Variants in RANBP6 observed in about 807,000 individuals in gnomAD.
The protein encoded by RANBP6 is RAN binding protein 6, also known as ran-binding protein 6.
RANBP6 carries 10 observed loss-of-function variants against 35.3 expected under a neutral mutation model. The observed-to-expected ratio is 0.28, with a 90% CI of 0.17 to 0.48. RANBP6 has a LOEUF of 0.48. Among genes scored for constraint, RANBP6 ranks in the 20% least tolerant of loss-of-function variants. The pLI, the probability that RANBP6 is intolerant of heterozygous loss-of-function variation, is 0.99. For missense variants in RANBP6, 1,392 were observed against 1,307.7 expected, an observed-to-expected ratio of 1.06 and a Z score of -0.99; for synonymous variants, 514 against 464.2, an observed-to-expected ratio of 1.11 and a Z score of -1.38.
chr9:6,012,882 T>G lies in RANBP6; in HGVS notation c.2726A>C (p.Lys909Thr), dbSNP rs1463032938. The G allele has an allele frequency of 6.2e-7, 1 of 1,614,102 alleles. No homozygotes were observed. The highest frequency in any genetic ancestry group is 8.5e-7 in the Non-Finnish European group (1 of 1,180,014). Residue 909 changes from lysine to threonine, a missense_variant, in exon 1 of 1, where the codon AAA becomes ACA. Coordinates refer to ENST00000259569, the MANE Select transcript of RANBP6 (RefSeq NM_012416.4). ...IIEHCSPTSF[K>T]YVEYFRWPML... The stretch of plus-strand genomic sequence containing the variant: ...TGGCCACCGAAAATATTCTACATAT[T>G]TAAATGAAGTTGGACTGCAGTGCTC...
At position 6,013,712 on chromosome 9, in the gene RANBP6, T is replaced by C; in HGVS notation, c.1896A>G (p.Pro632=). 6.2e-7 allele frequency: 1 copy of C among 1,613,284 alleles called. No homozygotes were observed. The highest frequency in any genetic ancestry group is 2.2e-5 in the East Asian group (1 of 44,884). ...TCTTAATAAGAGGCTCGATAACCAGTGGAAGGTACTGTTGAAAATCTTTTC... is the reference window on the plus strand; with the variant it reads ...TCTTAATAAGAGGCTCGATAACCAGCGGAAGGTACTGTTGAAAATCTTTTC... The part of the protein sequence containing the change: ...ILGKDFQQYL[P]LVIEPLIKTA... Residue 632 remains proline, a synonymous_variant, in exon 1 of 1, where the codon CCA becomes CCG. Transcript: ENST00000259569.
chr9:6,015,340 G>C lies in RANBP6; in HGVS notation c.268C>G (p.Pro90Ala). 6.2e-7 allele frequency: 1 copy of C among 1,614,196 alleles called. No homozygotes were observed. The change falls in exon 1 of 1, where the codon CCT becomes GCT. Residue 90 changes from proline (P) to alanine (A), a missense_variant. Physicochemically the swap from Pro to Ala is conservative, Grantham distance 27. Transcript: ENST00000259569. ...TTGACATCTCTCTGAACATCAGCAGGCAGATTTGGATAAACCTCCTCAAAC... is the reference window on the plus strand; with the variant it reads ...TTGACATCTCTCTGAACATCAGCAGCCAGATTTGGATAAACCTCCTCAAAC... ...SGFEEVYPNLPADVQRDVKIE... is the reference protein window; with the variant it reads ...SGFEEVYPNLAADVQRDVKIE...
Position 6,013,732 on chromosome 9 carries a change from C to A in RANBP6, c.1876G>T (p.Asp626Tyr). 2 of 1,613,978 alleles carry A rather than the reference C, an allele frequency of 1.2e-6. No homozygotes were observed. The highest frequency in any genetic ancestry group is 1.3e-5 in the African/African-American group (1 of 75,058). Residue 626 changes from aspartate (D) to tyrosine (Y), a missense_variant, in exon 1 of 1, where the codon GAT (aspartate) becomes TAT (tyrosine). Physicochemically the swap from Asp to Tyr is radical, Grantham distance 160. Transcript: ENST00000259569. Reference protein sequence around the residue: ...WARMCKILGKDFQQYLPLVIE... With the variant: ...WARMCKILGKYFQQYLPLVIE... Reference sequence around the variant, plus strand: ...ACCAGTGGAAGGTACTGTTGAAAATCTTTTCCAAGAATTTTACACATTCTA... The same window carrying A: ...ACCAGTGGAAGGTACTGTTGAAAATATTTTCCAAGAATTTTACACATTCTA...
In RANBP6 at chr9:6,012,416, A is replaced by G. The variant is rs761685038; in HGVS notation, c.3192T>C (p.Pro1064=). Residue 1064 remains proline, a synonymous_variant, in exon 1 of 1, where the codon CCT becomes CCC. Transcript: ENST00000259569. ...KINETINYED[P]CAKRLANVVR... is the part of the protein sequence containing the mutation. ...CGACATTAGCTAGGCGTTTGGCACA[A>G]GGATCCTCATAGTTAATAGTCTCAT... 3 of 1,614,064 alleles carry G rather than the reference A, an allele frequency of 1.9e-6. No individual in the cohort carries two copies. In the South Asian group the frequency reaches 3.3e-5, roughly 18 times the overall value.
In RANBP6 at chr9:6,013,351, T is replaced by C. The variant is rs772781444; in HGVS notation, c.2257A>G (p.Met753Val). The C allele has an allele frequency of 1.9e-6, 3 of 1,614,178 alleles. No homozygotes were observed. The highest frequency in any genetic ancestry group is 4.5e-5 in the East Asian group (2 of 44,888). Residue 753 changes from methionine (M) to valine (V), a missense_variant, in exon 1 of 1, where the codon ATG becomes GTG. Physicochemically the swap from Met to Val is conservative, Grantham distance 21 (BLOSUM62 1). Transcript: ENST00000259569. ...RIRGPEYLAQ[M>V]WQFICDPLIK... is the part of the protein sequence containing the mutation. ...AAGGGGTCACATATGAATTGCCACA[T>C]CTGTGCAAGATACTCTGGGCCACGA...
Position 6,015,042 on chromosome 9 carries a change from A to G in RANBP6, c.566T>C (p.Ile189Thr). 6.2e-7 allele frequency: 1 copy of G among 1,614,228 alleles called. No individual in the cohort carries two copies. ...DIIKRLLDQC[I>T]QDQEHPAIRT... is the part of the protein sequence containing the mutation. ...GATTGCTGGATGTTCTTGATCTTGA[A>G]TACACTGGTCCAACAACCGTTTGAT... Residue 189 changes from isoleucine to threonine, a missense_variant, in exon 1 of 1, where the codon ATT becomes ACT. Physicochemically the swap from Ile to Thr is moderately conservative, Grantham distance 89. Transcript: ENST00000259569.
In RANBP6 at chr9:6,013,088, A is replaced by C; in HGVS notation, c.2520T>G (p.Asp840Glu). The C allele has an allele frequency of 6.2e-7, 1 of 1,614,046 alleles. No individual in the cohort carries two copies. The highest frequency in any genetic ancestry group is 8.5e-7 in the Non-Finnish European group (1 of 1,179,988). The change falls in exon 1 of 1, where the codon GAT (aspartate) becomes GAG (glutamate). Residue 840 changes from aspartate (D) to glutamate (E), a missense_variant. Physicochemically the swap from Asp to Glu is conservative, Grantham distance 45 (BLOSUM62 2). Coordinates refer to ENST00000259569, the MANE Select transcript of RANBP6 (RefSeq NM_012416.4). ...TGGTCAGAATATAAACATCACATTC[A>C]TCCTCATCTTGCAGAGACATCTCAA... is the stretch of plus-strand genomic sequence containing the variant. Reference protein sequence around the residue: ...QQVEMSLQDEDECDVYILTKV... With the variant: ...QQVEMSLQDEEECDVYILTKV...
In RANBP6 at chr9:6,012,597, C is replaced by T. The variant is rs1319252261; in HGVS notation, c.3011G>A (p.Trp1004Ter). ...CVNVDEVLPH[W>*]LSWLPLHEDK... ...TTCATGCAGTGGAAGCCATGATAAC[C>T]AGTGTGGAAGAACTTCATCTACATT... The change falls in exon 1 of 1, where the codon TGG becomes TAG. Residue 1004 changes from tryptophan to a stop codon, truncating the protein, a stop_gained. Transcript: ENST00000259569. LOFTEE classifies it high-confidence loss of function. 6.2e-7 allele frequency: 1 copy of T among 1,614,030 alleles called. No individual in the cohort carries two copies.
At position 6,013,560 on chromosome 9, in the gene RANBP6, A is replaced by T; in HGVS notation, c.2048T>A (p.Leu683His). The T allele has an allele frequency of 6.2e-7, 1 of 1,614,228 alleles. No individual in the cohort carries two copies. Among genetic ancestry groups the T allele is most frequent in the South Asian group, 1.1e-5 (1 of 91,082 alleles). Reference sequence around the variant, plus strand: ...TTGGCAAGCAGTTGCTTTTGCTTCAAGTCCTGAAGTTTTAATTCCAAAACT... The same window carrying T: ...TTGGCAAGCAGTTGCTTTTGCTTCATGTCCTGAAGTTTTAATTCCAAAACT... The part of the protein sequence containing the change: ...QQSFGIKTSG[L>H]EAKATACQML... The change falls in exon 1 of 1, where the codon CTT becomes CAT. Residue 683 changes from leucine to histidine, a missense_variant. Transcript: ENST00000259569.
Position 6,014,385 on chromosome 9 carries a change from G to C in RANBP6, c.1223C>G (p.Thr408Arg). The C allele has an allele frequency of 1.2e-6, 2 of 1,614,052 alleles. No homozygotes were observed. Among genetic ancestry groups the C allele is most frequent in the Non-Finnish European group, 8.5e-7 (1 of 1,179,902 alleles). The change falls in exon 1 of 1, where the codon ACA becomes AGA. Residue 408 changes from threonine to arginine, a missense_variant. Coordinates refer to ENST00000259569, the MANE Select transcript of RANBP6 (RefSeq NM_012416.4). ...HQQMESILDE[T>R]VNSVLLFLQD... ...AAGAAAAAGCAAAACGGAGTTAACT[G>C]TTTCATCTAGAATTGATTCCATTTG...
Position 6,014,927 on chromosome 9 carries a change from A to G in RANBP6, c.681T>C (p.Pro227=). ...ALFKDFADLL[P]GILQAVNDSC... Reference sequence around the variant, plus strand: ...AGTCATTCACAGCCTGTAAGATTCCAGGAAGCAAGTCTGCAAAGTCTTTGA... The same window carrying G: ...AGTCATTCACAGCCTGTAAGATTCCGGGAAGCAAGTCTGCAAAGTCTTTGA... The change falls in exon 1 of 1, where the codon CCT becomes CCC. Residue 227 remains proline (P), a synonymous_variant. Transcript: ENST00000259569. 1 of 1,614,174 alleles carries G rather than the reference A, an allele frequency of 6.2e-7. No homozygotes were observed. Among genetic ancestry groups the G allele is most frequent in the Admixed American group, 1.7e-5 (1 of 60,012 alleles).
Position 6,015,615 on chromosome 9 carries a change from T to G in RANBP6, c.-8A>C. On this transcript the variant is annotated 5_prime_UTR_variant, in exon 1 of 1. Transcript: ENST00000259569. ...AGACGCGGTTGCCGCCATTGCGCTC[T>G]GTCAAAGCTACCGCGACCGGGAAGG... 2.5e-6 allele frequency: 4 copies of G among 1,577,930 alleles called. No individual in the cohort carries two copies. In the East Asian group the frequency reaches 8.9e-5, roughly 35 times the overall value.
chr9:6,014,834 G>A lies in RANBP6; in HGVS notation c.774C>T (p.Tyr258=). 2 of 1,614,112 alleles carry A rather than the reference G, an allele frequency of 1.2e-6. No homozygotes were observed. The highest frequency in any genetic ancestry group is 1.7e-6 in the Non-Finnish European group (2 of 1,180,026). The change falls in exon 1 of 1, where the codon TAC becomes TAT. Residue 258 remains tyrosine (Y), a synonymous_variant. Coordinates refer to ENST00000259569, the MANE Select transcript of RANBP6 (RefSeq NM_012416.4). ...LVEIADTVPK[Y]LGPYLEDTLQ... is the part of the protein sequence containing the mutation. ...GAGTATCTTCTAAATAAGGACCCAA[G>A]TACTTAGGTACGGTATCTGCAATCT...
chr9:6,014,498 A>G lies in RANBP6; in HGVS notation c.1110T>C (p.His370=), dbSNP rs1563990134. The G allele has an allele frequency of 6.2e-7, 1 of 1,614,232 alleles. No individual in the cohort carries two copies. The highest frequency in any genetic ancestry group is 8.5e-7 in the Non-Finnish European group (1 of 1,180,044). Residue 370 remains histidine, a synonymous_variant, in exon 1 of 1, where the codon CAT becomes CAC. Transcript: ENST00000259569. ...CAGGGCTCTGAAGCATCTGCATGAT[A>G]TGCTCCTTGGTCATTGGTAAAACAA... ...GKVVLPMTKE[H]IMQMLQSPDW...
Position 6,013,032 on chromosome 9 carries a change from C to T in RANBP6, c.2576G>A (p.Ser859Asn). The stretch of plus-strand genomic sequence containing the variant: ...TGGTAAAATCTTTTCCTTATAAGTA[C>T]TAAATAATGAGTGCAAAATATCTGA... ...KVSDILHSLFSTYKEKILPWF... is the reference protein window; with the variant it reads ...KVSDILHSLFNTYKEKILPWF... Residue 859 changes from serine (S) to asparagine (N), a missense_variant, in exon 1 of 1, where the codon AGT (serine) becomes AAT (asparagine). Physicochemically the swap from Ser to Asn is conservative, Grantham distance 46 (BLOSUM62 1). Transcript: ENST00000259569. 1 of 1,613,582 alleles carries T rather than the reference C, an allele frequency of 6.2e-7. No homozygotes were observed. The highest frequency in any genetic ancestry group is 1.7e-5 in the Admixed American group (1 of 59,976).
Position 6,012,767 on chromosome 9 carries a change from A to C in RANBP6, c.2841T>G (p.Asp947Glu), listed in dbSNP as rs1194125310. ...CAGCTTCTGAACATAAAGAACGATA[A>C]TCATCTCCACCAAACTGTGCCATGA... is the stretch of plus-strand genomic sequence containing the variant. ...LGVMAQFGGD[D>E]YRSLCSEAVP... is the part of the protein sequence containing the mutation. Residue 947 changes from aspartate to glutamate, a missense_variant, in exon 1 of 1, where the codon GAT (aspartate) becomes GAG (glutamate). Coordinates refer to ENST00000259569, the MANE Select transcript of RANBP6 (RefSeq NM_012416.4). The C allele has an allele frequency of 6.2e-7, 1 of 1,614,202 alleles. No individual in the cohort carries two copies. Among genetic ancestry groups the C allele is most frequent in the South Asian group, 1.1e-5 (1 of 91,088 alleles).
Position 6,011,641 on chromosome 9 carries a change from A to T in RANBP6, c.*649T>A, listed in dbSNP as rs1183900872. ...GGTTCTTGGAGTCCTGGATAACTTAAAAAAATAGAGACCTGTCTGGCTAAA... is the reference window on the plus strand; with the variant it reads ...GGTTCTTGGAGTCCTGGATAACTTATAAAAATAGAGACCTGTCTGGCTAAA... On this transcript the variant is annotated 3_prime_UTR_variant, in exon 1 of 1. Transcript: ENST00000259569. The T allele has an allele frequency of 2.0e-5, 3 of 152,180 alleles. No homozygotes were observed. Among genetic ancestry groups the T allele is most frequent in the Non-Finnish European group, 4.4e-5 (3 of 68,030 alleles). The allele number at this position is 152,180 out of a possible 1,614,324, so 9.4% of individuals were successfully genotyped here.
rs1842532519 is a variant in RANBP6 at position 6,014,190 on chromosome 9, G to T, written c.1418C>A (p.Ala473Asp). 6.2e-7 allele frequency: 1 copy of T among 1,613,530 alleles called. No individual in the cohort carries two copies. The highest frequency in any genetic ancestry group is 8.5e-7 in the Non-Finnish European group (1 of 1,179,906). Residue 473 changes from alanine (A) to aspartate (D), a missense_variant, in exon 1 of 1, where the codon GCT (alanine) becomes GAT (aspartate). Coordinates refer to ENST00000259569, the MANE Select transcript of RANBP6 (RefSeq NM_012416.4). ...NQRVQSHAAS[A>D]LIIFIEDCPK... Reference sequence around the variant, plus strand: ...GCAGTCTTCAATAAAAATAATAAGAGCAGAAGCTGCATGTGATTGCACACG... The same window carrying T: ...GCAGTCTTCAATAAAAATAATAAGATCAGAAGCTGCATGTGATTGCACACG...
In RANBP6 at chr9:6,014,667, G is replaced by T; in HGVS notation, c.941C>A (p.Pro314His). 6.2e-7 allele frequency: 1 copy of T among 1,614,142 alleles called. No homozygotes were observed. Among genetic ancestry groups the T allele is most frequent in the Non-Finnish European group, 8.5e-7 (1 of 1,180,028 alleles). Residue 314 changes from proline to histidine, a missense_variant, in exon 1 of 1, where the codon CCT becomes CAT. Pro to His is a moderately conservative substitution (Grantham distance 77). Coordinates refer to ENST00000259569, the MANE Select transcript of RANBP6 (RefSeq NM_012416.4). Reference sequence around the variant, plus strand: ...ATCAACCATCATTGCTAATATATGAGGAACTGCCTGTGCAATAATATTTGT... The same window carrying T: ...ATCAACCATCATTGCTAATATATGATGAACTGCCTGTGCAATAATATTTGT... ...KHTNIIAQAVPHILAMMVDLQ... is the reference protein window; with the variant it reads ...KHTNIIAQAVHHILAMMVDLQ...
Sources: gnomAD v4.1 joint callset for allele counts on GRCh38, gnomAD v4.1.1 for gene constraint, MANE v1.5 for transcripts, NCBI Gene and HGNC (gene_info 2026-07-23, HGNC 2026-07-21) for gene names.